The following HECW1 variants were observed in gnomAD, a reference collection of about 807,000 sequenced individuals.
HECW1 encodes the protein HECT, C2 and WW domain containing E3 ubiquitin protein ligase 1.
In HECW1, 61 loss-of-function variants were observed where a neutral mutation model predicts 182.3. The ratio of observed to expected loss-of-function variants is 0.33; its 90% confidence interval spans 0.27 to 0.41. The LOEUF (loss-of-function observed/expected upper bound fraction) is 0.41, where lower values mean the gene tolerates loss of function less well. Ranked by LOEUF, HECW1 falls within the 10% of genes least tolerant of loss-of-function variation. The probability of loss-of-function intolerance (pLI) is 1.00; values close to 1 mark genes in which losing one functional copy is unlikely to be tolerated. For missense variants in HECW1, 1,739 were observed against 2,108.9 expected (o/e 0.82, Z 3.44); for synonymous variants, 859 against 832.6 (o/e 1.03, Z -0.55).
chr7:43,359,193 A>G (rs1449722823), intron 5 of HECW1, among the ~76,000 whole-genome samples: 1 of 152,204 alleles, frequency 6.6e-6, no homozygotes, highest in African/African-American at 2.4e-5. Flanking sequence ...ACCTTTACAT[A>G]TCAGTTAGGT....
chr7:43,262,621 C>T (rs1024045361), intron 3 of HECW1, among the ~76,000 whole-genome samples: 7 of 152,148 alleles, frequency 4.6e-5, no homozygotes, highest in Non-Finnish European at 8.8e-5. Flanking sequence ...AAGTAGTTTT[C>T]TCCTCCAAAG....
rs2076597067 is a variant in HECW1, at chr7:43,432,895, T to G, written c.802-5108T>G. On this transcript the variant is annotated intron_variant, in intron 8 of 29. Coordinates refer to ENST00000395891, the MANE Select transcript of HECW1 (RefSeq NM_015052.5). This position sits in a 1 kb window ranked among gnomAD's most constrained non-coding sequence, Gnocchi z 4.1. Reference sequence around the variant, plus strand: ...ATCTTTTCTGAAGCAAGATGGAATATAATAAGCATCTTAGTTCTATAAATG... The same window carrying G: ...ATCTTTTCTGAAGCAAGATGGAATAGAATAAGCATCTTAGTTCTATAAATG... Among the ~76,000 whole-genome samples, 1 of 152,230 alleles carries G rather than the reference T, an allele frequency of 6.6e-6. No individual in the cohort carries two copies. Among genetic ancestry groups the G allele is most frequent in the Non-Finnish European group, 1.5e-5 (1 of 68,026 alleles).
chr7:43,135,540 T>G (rs1405454277), intron 2 of HECW1, among the ~76,000 whole-genome samples: 1 of 152,168 alleles, frequency 6.6e-6, no homozygotes, highest in Non-Finnish European at 1.5e-5. Context: ...AAATAAATAT[T>G]TCTCTTGACT....
At chr7:43,531,762 C>T (rs950375126) in intron 24 of HECW1, among the ~76,000 whole-genome samples, 3 of 152,198 alleles carry the variant, frequency 2.0e-5, no homozygotes, top group African/African-American at 7.2e-5. Flanking sequence ...CTTCCTGCAC[C>T]ATGCGCTCCA....
intron 8 of HECW1, among the ~76,000 whole-genome samples, chr7:43,422,529 A>ATTT (rs1224140226): frequency 6.6e-6 from 1 of 151,554 alleles, no homozygotes; most frequent in Admixed American, 6.6e-5. Context: ...CGCCTGGTTA[A>ATTT]TTTTTTTGTA....
At chr7:43,390,355 A>G (rs1006498065) in intron 6 of HECW1, among the ~76,000 whole-genome samples, 2 of 152,106 alleles carry the variant, frequency 1.3e-5, no homozygotes, top group Non-Finnish European at 2.9e-5. Flanking sequence ...CCTGGGCAAC[A>G]TAGTGAGACC....
intron 2 of HECW1, among the ~76,000 whole-genome samples, chr7:43,134,410 A>AAG (rs1245715575): frequency 6.6e-6 from 1 of 151,758 alleles, no homozygotes; most frequent in Non-Finnish European, 1.5e-5. Context: ...AAAAAAAAAA[A>AAG]AAAAAGAATA....
At chr7:43,400,886 T>C (rs2075382956) in intron 7 of HECW1, among the ~76,000 whole-genome samples, 1 of 152,218 alleles carries the variant, frequency 6.6e-6, no homozygotes, top group African/African-American at 2.4e-5. Context: ...AATCCATCCC[T>C]TGCCACTTTC....
chr7:43,507,631 A>T (rs2079641158), intron 22 of HECW1, among the ~76,000 whole-genome samples: 1 of 152,182 alleles, frequency 6.6e-6, no homozygotes, highest in Non-Finnish European at 1.5e-5. Flanking sequence ...GTCAAATTTA[A>T]ATTCTTGGTA....
At chr7:43,350,694 G>A (rs942871061) in intron 5 of HECW1, among the ~76,000 whole-genome samples, 3 of 152,174 alleles carry the variant, frequency 2.0e-5, no homozygotes, top group African/African-American at 7.2e-5. Flanking sequence ...CTAAAAGTGT[G>A]TCCAAAGTTT....
At chr7:43,291,140 A>C (rs1397240875) in intron 3 of HECW1, among the ~76,000 whole-genome samples, 1 of 152,184 alleles carries the variant, frequency 6.6e-6, no homozygotes, top group African/African-American at 2.4e-5. Flanking sequence ...AAGAAATAGC[A>C]CTCGAACATA....
chr7:43,189,184 A>G (rs1793669978), intron 2 of HECW1, among the ~76,000 whole-genome samples: 1 of 152,230 alleles, frequency 6.6e-6, no homozygotes, highest in Admixed American at 6.5e-5. Context: ...ATATAAGGAC[A>G]GAAAGAAAGA....
intron 6 of HECW1, among the ~76,000 whole-genome samples, chr7:43,363,804 A>G (rs1028794638): frequency 6.6e-6 from 1 of 152,220 alleles, no homozygotes; most frequent in Non-Finnish European, 1.5e-5. Context: ...ACATCTGTGG[A>G]GAGAGGCAGG....
chr7:43,205,662 C>A (rs1435267564), intron 2 of HECW1, among the ~76,000 whole-genome samples: 2 of 152,206 alleles, frequency 1.3e-5, no homozygotes, highest in African/African-American at 4.8e-5. Context: ...CACAGCATGC[C>A]TGGCCATGTG....
At position 43,501,205 on chromosome 7, in the gene HECW1, AT is replaced by A; in HGVS notation, c.3522-7del. The A allele has an allele frequency of 4.4e-6, 4 of 906,804 alleles. No individual in the cohort carries two copies. Among genetic ancestry groups the A allele is most frequent in the Non-Finnish European group, 4.7e-6 (3 of 639,776 alleles). The allele number at this position is 906,804 out of a possible 1,614,324, so 56.2% of individuals were successfully genotyped here. ...TTTCTTTTTTTTTTTTTTTTTTTTC[AT>A]ATGCAGTCTCTTTGAAGAAGAGATT... is the stretch of plus-strand genomic sequence containing the variant. On this transcript the variant is annotated splice_polypyrimidine_tract_variant and splice_region_variant and intron_variant, in intron 20 of 29. Transcript: ENST00000395891.
intron 9 of HECW1, chr7:43,439,411 G>C (rs1327204359): frequency 6.6e-6 from 1 of 152,192 alleles, no homozygotes; most frequent in East Asian, 1.9e-4. Context: ...CACACAACAG[G>C]CTTCTCTCAG....
intron 2 of HECW1, among the ~76,000 whole-genome samples, chr7:43,213,433 A>G (rs980768979): frequency 2.0e-5 from 3 of 148,894 alleles, no homozygotes; most frequent in East Asian, 2.0e-4. Context: ...GCTGGTGATC[A>G]TAAGAATTTT....
chr7:43,319,130 G>C (rs58342021), intron 4 of HECW1, among the ~76,000 whole-genome samples: 22,586 of 152,114 alleles, frequency 0.15, 5,434 homozygotes, highest in African/African-American at 0.51. Flanking sequence ...GCTCACGCCT[G>C]TAATCCCAGC....
At chr7:43,465,896 G>C (rs1305628360) in intron 14 of HECW1, among the ~76,000 whole-genome samples, 1 of 147,304 alleles carries the variant, frequency 6.8e-6, no homozygotes, top group Non-Finnish European at 1.5e-5. Context: ...GCTGTCTCAA[G>C]AAAGACAAAG....
Sources: allele counts gnomAD v4.1 joint callset (sites outside exome capture counted in the v4.1 genomes callset), GRCh38; gene constraint gnomAD v4.1.1; non-coding constraint Gnocchi (gnomAD v3.1); transcripts MANE v1.5; gene names NCBI Gene and HGNC (gene_info 2026-07-23, HGNC 2026-07-21).